The following PPP1R21 variants were observed in gnomAD, a reference collection of about 807,000 sequenced individuals.
PPP1R21 encodes KLRAQ motif containing 1.
PPP1R21 carries 85 observed loss-of-function variants against 112.8 expected under a neutral mutation model. That is an observed-to-expected ratio of 0.75 (90% confidence interval 0.63 to 0.90). The LOEUF (loss-of-function observed/expected upper bound fraction) is 0.90. Ranked by LOEUF, PPP1R21 falls within the 40% of genes least tolerant of loss-of-function variation. The probability of loss-of-function intolerance (pLI) is 0.00; values close to 1 mark genes in which losing one functional copy is unlikely to be tolerated. For synonymous variants in PPP1R21, 381 were observed against 322.3 expected (o/e 1.18, Z -1.95); for missense variants, 1,199 against 901.5 (o/e 1.33, Z -4.23).
intron 20 of PPP1R21, 118 bp from the exon 21 acceptor site, chr2:48,511,222 G>A (rs1670623331): frequency 3.0e-6 from 3 of 1,003,968 alleles, no homozygotes; most frequent in African/African-American, 3.2e-5. Context: ...GAAATATACA[G>A]TAAATTATTG....
intron 11 of PPP1R21, 109 bp downstream of exon 11, chr2:48,471,476 T>G: frequency 9.3e-7 from 1 of 1,079,846 alleles, no homozygotes. Context: ...CTGACTTTTC[T>G]GCTTCACAGT....
chr2:48,492,035 G>A (rs1362892639), intron 15 of PPP1R21, among the ~76,000 whole-genome samples: 1 of 152,112 alleles, frequency 6.6e-6, no homozygotes, highest in Admixed American at 6.5e-5. Context: ...TTAAGTTGTT[G>A]CCTGTTTTTC....
intron 3 of PPP1R21, 57 bp downstream of exon 3, chr2:48,454,798 A>G: frequency 1.5e-6 from 2 of 1,352,678 alleles, no homozygotes; most frequent in Non-Finnish European, 2.1e-6. Flanking sequence ...TGACACCTAC[A>G]GGGCATCCTG....
intron 16 of PPP1R21, among the ~76,000 whole-genome samples, chr2:48,496,377 C>A (rs62135166): frequency 0.12 from 18,273 of 152,120 alleles, 1,167 homozygotes; most frequent in Middle Eastern, 0.19. Context: ...GGGCATAAGA[C>A]CCTCATTCTA....
rs1431552713 is a variant in PPP1R21 at position 48,510,052 on chromosome 2, A to C, written c.2123A>C (p.Lys708Thr). 1 of 1,613,938 alleles carries C rather than the reference A, an allele frequency of 6.2e-7. No individual in the cohort carries two copies. Among genetic ancestry groups the C allele is most frequent in the Admixed American group, 1.7e-5 (1 of 60,024 alleles). The change falls in exon 20 of 22, where the codon AAG (lysine) becomes ACG (threonine). Residue 708 changes from lysine to threonine, a missense_variant. Physicochemically the swap from Lys to Thr is moderately conservative, Grantham distance 78 (BLOSUM62 -1). Transcript: ENST00000294952. The stretch of plus-strand genomic sequence containing the variant: ...TCTAAAAGACTGGCCTTGGCTGAAA[A>C]GTCTAAGGAAGCATTGACAGAAGAA... Reference protein sequence around the residue: ...ALSKRLALAEKSKEALTEEMK... With the variant: ...ALSKRLALAETSKEALTEEMK...
At chr2:48,501,988 C>T (rs772048057) in intron 17 of PPP1R21, 5 of 152,060 alleles carry the variant, frequency 3.3e-5, no homozygotes, top group African/African-American at 4.8e-5. Flanking sequence ...ATTTCTGTAT[C>T]GTTCCAATTT....
At chr2:48,488,190 C>T (rs569595578) in intron 14 of PPP1R21, among the ~76,000 whole-genome samples, 1 of 152,234 alleles carries the variant, frequency 6.6e-6, no homozygotes, top group East Asian at 1.9e-4. Flanking sequence ...GTTCTGTCAG[C>T]TTACAGATCT....
Position 48,510,101 on chromosome 2 carries a change from C to T in PPP1R21, c.2172C>T (p.Ile724=), listed in dbSNP as rs781228052. The T allele has an allele frequency of 1.6e-5, 26 of 1,613,304 alleles. No individual in the cohort carries two copies. Among genetic ancestry groups the T allele is most frequent in the Admixed American group, 1.3e-4 (8 of 59,978 alleles). Residue 724 remains isoleucine, a synonymous_variant, in exon 20 of 22, where the codon ATC becomes ATT. Coordinates refer to ENST00000294952, the MANE Select transcript of PPP1R21 (RefSeq NM_001135629.3). ...TEEMKLASQN[I]SRLQDELTTT... is the part of the protein sequence containing the mutation. Reference sequence around the variant, plus strand: ...AAATGAAACTTGCCAGTCAGAACATCAGCAGACTTCAGGTGAGTTAAGTGT... The same window carrying T: ...AAATGAAACTTGCCAGTCAGAACATTAGCAGACTTCAGGTGAGTTAAGTGT...
At chr2:48,483,842 A>G (rs1669148705) in intron 13 of PPP1R21, among the ~76,000 whole-genome samples, 1 of 151,858 alleles carries the variant, frequency 6.6e-6, no homozygotes, top group Admixed American at 6.6e-5. Context: ...ACTCTTTCTT[A>G]TTTTTAATTT....
In PPP1R21 at chr2:48,440,827, G is replaced by GGCGGCGGCGGCGGCGGCT; in HGVS notation, c.-119_-118insGGCGGCGGCTGCGGCGGC. On this transcript the variant is annotated 5_prime_UTR_variant, in exon 1 of 22. Coordinates refer to ENST00000294952, the MANE Select transcript of PPP1R21 (RefSeq NM_001135629.3). ...GAGGAGGAGGCGCGGCGGCGGCGGCGGCGGCGGCTGCGGTGGCCAAGCAGG... is the reference window on the plus strand; with the variant it reads ...GAGGAGGAGGCGCGGCGGCGGCGGCGGCGGCGGCGGCGGCGGCTGCGGCGGCTGCGGTGGCCAAGCAGG... 2 of 689,700 alleles carry GGCGGCGGCGGCGGCGGCT rather than the reference G, an allele frequency of 2.9e-6. No individual in the cohort carries two copies. Among genetic ancestry groups the GGCGGCGGCGGCGGCGGCT allele is most frequent in the Middle Eastern group, 3.9e-4 (1 of 2,564 alleles). The allele number at this position is 689,700 out of a possible 1,614,324, so 42.7% of individuals were successfully genotyped here. A position where few individuals can be genotyped will look rare whatever the true frequency, so the allele number is the denominator to read the frequency against.
chr2:48,481,867 CCT>C (rs558955909), intron 13 of PPP1R21, among the ~76,000 whole-genome samples: 540 of 152,226 alleles, frequency 3.5e-3, no homozygotes, highest in African/African-American at 0.012. Flanking sequence ...CCGCACTTGC[CCT>C]CACGTGACAT....
chr2:48,514,897 T>A lies in PPP1R21; in HGVS notation c.*153T>A. ...GTCAGTGTTGGAAACGGCCTTGAAA[T>A]ATTTAAAACATATTTGTAACCAGTG... On this transcript the variant is annotated 3_prime_UTR_variant, in exon 22 of 22. Transcript: ENST00000294952. 1 of 658,788 alleles carries A rather than the reference T, an allele frequency of 1.5e-6. No homozygotes were observed. The highest frequency in any genetic ancestry group is 2.7e-5 in the East Asian group (1 of 36,606). The allele number at this position is 658,788 out of a possible 1,614,324, so 40.8% of individuals were successfully genotyped here.
intron 17 of PPP1R21, among the ~76,000 whole-genome samples, chr2:48,500,343 A>T (rs911101261): frequency 4.6e-5 from 7 of 152,150 alleles, no homozygotes; most frequent in African/African-American, 1.7e-4. Context: ...CAAAACAGGC[A>T]TGCTAGCAAT....
In PPP1R21 at chr2:48,465,446, A is replaced by T. The variant is rs371802237; in HGVS notation, c.748-47A>T. 8.4e-6 allele frequency: 13 copies of T among 1,542,334 alleles called. No homozygotes were observed. The African/African-American group carries it at 1.2e-4, about 15-fold the overall frequency. The stretch of plus-strand genomic sequence containing the variant: ...TCAGACTCAATAAAGTTCTTTTAGG[A>T]TAATAATTTGAGAGTTGACCTTAAC... On this transcript the variant is annotated intron_variant, in intron 8 of 21. Coordinates refer to ENST00000294952, the MANE Select transcript of PPP1R21 (RefSeq NM_001135629.3).
At chr2:48,487,436 A>G (rs1669352378) in intron 14 of PPP1R21, among the ~76,000 whole-genome samples, 1 of 152,072 alleles carries the variant, frequency 6.6e-6, no homozygotes, top group South Asian at 2.1e-4. Context: ...CTTAATTTTC[A>G]CTATAAACTA....
At chr2:48,463,170 A>C (rs892205940) in intron 7 of PPP1R21, among the ~76,000 whole-genome samples, 5 of 152,212 alleles carry the variant, frequency 3.3e-5, no homozygotes, top group African/African-American at 1.2e-4. Flanking sequence ...ATTGGGCTGG[A>C]GGAGCCCTCA....
chr2:48,493,523 T>TA (rs1259415869), intron 15 of PPP1R21, among the ~76,000 whole-genome samples: 1 of 152,210 alleles, frequency 6.6e-6, no homozygotes, highest in African/African-American at 2.4e-5. Flanking sequence ...CATTCACGTG[T>TA]ATTTTCTTCC....
intron 11 of PPP1R21, 149 bp from the exon 12 acceptor site, chr2:48,474,534 T>G (rs1245274132): frequency 9.3e-6 from 6 of 642,642 alleles, no homozygotes; most frequent in African/African-American, 1.8e-5. Flanking sequence ...TATCATGATG[T>G]AAAAAAATGG....
intron 12 of PPP1R21, among the ~76,000 whole-genome samples, chr2:48,475,241 T>A (rs1668698964): frequency 6.6e-6 from 1 of 151,884 alleles, no homozygotes; most frequent in Non-Finnish European, 1.5e-5. Flanking sequence ...TAGTCCCAGC[T>A]ACTCTGGAGG....
Sources: allele counts gnomAD v4.1 joint callset (sites outside exome capture counted in the v4.1 genomes callset), GRCh38; gene constraint gnomAD v4.1.1; transcripts MANE v1.5; gene names NCBI Gene and HGNC (gene_info 2026-07-23, HGNC 2026-07-21).